The following FREM1 variants were observed in gnomAD, a reference collection of about 807,000 sequenced individuals.
FREM1 encodes FRAS1 related extracellular matrix 1, also known as FRAS1-related extracellular matrix protein 1.
A neutral mutation model predicts 210.1 loss-of-function variants in FREM1; 220 were observed. The ratio of observed to expected loss-of-function variants is 1.05; its 90% CI spans 0.94 to 1.17. The LOEUF is 1.17. Ranked by LOEUF, FREM1 falls within the 50% of genes most tolerant of loss-of-function variation. The pLI, the probability that FREM1 is intolerant of heterozygous loss-of-function variation, is 0.00. For missense variants in FREM1, 3,454 were observed against 2,675.5 expected (o/e 1.29, Z -6.42); for synonymous variants, 1,189 against 980.2 (o/e 1.21, Z -3.98).
intron 27 of FREM1, among the ~76,000 whole-genome samples, chr9:14,766,357 C>G (rs1393529947): frequency 6.6e-6 from 1 of 152,066 alleles, no homozygotes; most frequent in Admixed American, 6.6e-5. Context: ...GTTCCCTGAG[C>G]TATTCTGCCT....
chr9:14,910,038 C>T lies in FREM1; in HGVS notation c.-392G>A, dbSNP rs1297612472. 1 of 152,184 alleles carries T rather than the reference C, an allele frequency of 6.6e-6. No homozygotes were observed. Among genetic ancestry groups the T allele is most frequent in the Non-Finnish European group, 1.5e-5 (1 of 68,052 alleles). The allele number at this position is 152,184 out of a possible 1,614,324, so 9.4% of individuals were successfully genotyped here. On this transcript the variant is annotated 5_prime_UTR_variant, in exon 1 of 37. Coordinates refer to ENST00000380880, the MANE Select transcript of FREM1 (RefSeq NM_001379081.2). ...GAGAGGAAGGGGGAGGAAAAAGAAC[C>T]CCGGGAAGGAAGAGAGCTGAAATTC...
In FREM1 at chr9:14,812,635, A is replaced by G. The variant is rs568805480; in HGVS notation, c.2893+177T>C. On this transcript the variant is annotated intron_variant, in intron 16 of 36. Transcript: ENST00000380880. Reference sequence around the variant, plus strand: ...GTTTGAAATTCGTTATAATAACACAATCAGAAATACTTCCATATATGGTGA... The same window carrying G: ...GTTTGAAATTCGTTATAATAACACAGTCAGAAATACTTCCATATATGGTGA... Among the ~76,000 whole-genome samples, 6 of 152,250 alleles carry G rather than the reference A, an allele frequency of 3.9e-5. No individual in the cohort carries two copies. The South Asian group carries it at 6.2e-4, about 16-fold the overall frequency.
intron 20 of FREM1, among the ~76,000 whole-genome samples, chr9:14,800,977 T>C (rs1588064781): frequency 6.6e-6 from 1 of 152,126 alleles, no homozygotes; most frequent in Admixed American, 6.6e-5. Context: ...CATTGTGAAA[T>C]GGGTTTATTT....
At chr9:14,784,741 A>G in intron 23 of FREM1, 107 bp from the exon 24 acceptor site, 2 of 709,340 alleles carry the variant, frequency 2.8e-6, no homozygotes, top group Non-Finnish European at 4.2e-6. Context: ...CAAAATTAAT[A>G]CGACATAGAA....
intron 13 of FREM1, 28 bp from the exon 14 acceptor site, chr9:14,819,470 C>A: frequency 6.7e-7 from 1 of 1,482,958 alleles, no homozygotes; most frequent in South Asian, 1.2e-5. Flanking sequence ...AGGAAACATT[C>A]AAAGCCTTTT....
intron 1 of FREM1, among the ~76,000 whole-genome samples, chr9:14,890,902 C>T (rs546423271): frequency 1.4e-4 from 22 of 152,326 alleles, no homozygotes; most frequent in African/African-American, 5.1e-4. Flanking sequence ...ATGGCCATAA[C>T]TTAAAATCAT....
At chr9:14,905,182 C>T (rs1021726589) in intron 1 of FREM1, among the ~76,000 whole-genome samples, 1 of 152,074 alleles carries the variant, frequency 6.6e-6, no homozygotes, top group African/African-American at 2.4e-5. Context: ...TCTTTTAGTG[C>T]TGATCATTGA....
rs1482447602 is a variant in FREM1, at chr9:14,806,808, G to A, written c.3127C>T (p.Leu1043Phe). The change falls in exon 18 of 37, where the codon CTT (leucine) becomes TTT (phenylalanine). Residue 1043 changes from leucine (L) to phenylalanine (F), a missense_variant. Transcript: ENST00000380880. The stretch of plus-strand genomic sequence containing the variant: ...GTGGCGGACAAATGGTTAACAGTAA[G>A]GGCTGTTGAGCAGCCCTCATCTACA... ...FVVDEGCSTA[L>F]TVNHLSATDP... 2 of 1,607,466 alleles carry A rather than the reference G, an allele frequency of 1.2e-6. No individual in the cohort carries two copies. Among genetic ancestry groups the A allele is most frequent in the East Asian group, 2.2e-5 (1 of 44,836 alleles).
chr9:14,817,677 A>G (rs1820546830), intron 14 of FREM1, among the ~76,000 whole-genome samples: 1 of 152,208 alleles, frequency 6.6e-6, no homozygotes. Flanking sequence ...AATATATTGA[A>G]CATGTATAAT....
intron 1 of FREM1, among the ~76,000 whole-genome samples, chr9:14,901,549 G>A (rs1838781456): frequency 6.6e-6 from 1 of 151,486 alleles, no homozygotes; most frequent in Non-Finnish European, 1.5e-5. Flanking sequence ...AATTTTTTGA[G>A]GGGAAAAAGG....
intron 34 of FREM1, 59 bp downstream of exon 34, chr9:14,746,864 T>C: frequency 1.3e-6 from 2 of 1,562,478 alleles, no homozygotes; most frequent in Non-Finnish European, 1.7e-6. Context: ...TCCCCTCTAT[T>C]AGCTTATCAT....
chr9:14,851,624 A>C lies in FREM1; in HGVS notation c.829-17T>G, dbSNP rs778626662. On this transcript the variant is annotated splice_polypyrimidine_tract_variant and intron_variant, in intron 5 of 36. Transcript: ENST00000380880. ...ACTCTCTGACTTTTGAAGGATAGAG[A>C]AAATATAAAGGAGGAAATAATATGA... The C allele has an allele frequency of 3.2e-6, 5 of 1,563,084 alleles. No homozygotes were observed. Among genetic ancestry groups the C allele is most frequent in the Non-Finnish European group, 4.4e-6 (5 of 1,133,754 alleles).
In FREM1 at chr9:14,746,967, G is replaced by A. The variant is rs1245100891; in HGVS notation, c.6094C>T (p.Gln2032Ter). 1.2e-6 allele frequency: 2 copies of A among 1,613,396 alleles called. No individual in the cohort carries two copies. Among genetic ancestry groups the A allele is most frequent in the South Asian group, 1.1e-5 (1 of 90,948 alleles). ...GCTTTCCAGGCGATCCCATTGCACT[G>A]ATACAGCTTCTGGATGCCTTCTTCA... ...HFEEGIQKLY[Q>*]CNGIAWKAWS... Residue 2032 changes from glutamine to a stop codon, truncating the protein, a stop_gained, in exon 34 of 37, where the codon CAG becomes TAG. Coordinates refer to ENST00000380880, the MANE Select transcript of FREM1 (RefSeq NM_001379081.2). LOFTEE classifies it high-confidence loss of function.
At chr9:14,805,186 A>T in intron 18 of FREM1, 34 bp from the exon 19 acceptor site, 5 of 1,382,924 alleles carry the variant, frequency 3.6e-6, no homozygotes, top group South Asian at 3.9e-5. Context: ...GATAAATAAA[A>T]AAAAAATTTT....
At position 14,770,789 on chromosome 9, in the gene FREM1, T is replaced by G. The variant is rs117881664; in HGVS notation, c.4875A>C (p.Lys1625Asn). 457 of 1,612,236 alleles carry G rather than the reference T, an allele frequency of 2.8e-4. 3 individuals carry two copies. In the East Asian group the frequency reaches 9.0e-3, roughly 32 times the overall value. Residue 1625 changes from lysine (K) to asparagine (N), a missense_variant, in exon 26 of 37, where the codon AAA becomes AAC. Lys to Asn is a moderately conservative substitution (Grantham distance 94). Transcript: ENST00000380880. ...LFTIQVDQLD[K>N]TAPRITLLHS... Reference sequence around the variant, plus strand: ...GCAAGAGTGTGATACGAGGAGCTGTTTTGTCCAATTGGTCTACCTGGATCA... The same window carrying G: ...GCAAGAGTGTGATACGAGGAGCTGTGTTGTCCAATTGGTCTACCTGGATCA...
At chr9:14,748,026 T>C (rs1258357041) in intron 31 of FREM1, among the ~76,000 whole-genome samples, 1 of 152,122 alleles carries the variant, frequency 6.6e-6, no homozygotes, top group Non-Finnish European at 1.5e-5. Context: ...CGTGTGCACA[T>C]ATGAGAGTAT....
rs281875281 is a variant in FREM1, at chr9:14,792,753, A to G, written c.3971T>C (p.Leu1324Pro). The stretch of plus-strand genomic sequence containing the variant: ...TAAGAAGTCACTAACCTTAAGCTGA[A>G]GTTGCCCATTTTGGGGAAGCCTTTC... The part of the protein sequence containing the change: ...VFERLPQNGQ[L>P]QLKIGRDWVP... Residue 1324 changes from leucine to proline, a missense_variant, in exon 22 of 37, where the codon CTT becomes CCT. Physicochemically the swap from Leu to Pro is moderately conservative, Grantham distance 98. Transcript: ENST00000380880. 2 of 1,596,348 alleles carry G rather than the reference A, an allele frequency of 1.3e-6. No individual in the cohort carries two copies. The highest frequency in any genetic ancestry group is 1.3e-5 in the African/African-American group (1 of 74,210).
At chr9:14,864,563 T>C (rs562645054) in intron 2 of FREM1, among the ~76,000 whole-genome samples, 1 of 152,198 alleles carries the variant, frequency 6.6e-6, no homozygotes, top group Non-Finnish European at 1.5e-5. Context: ...TCTATTCAAA[T>C]AAAATTATAA....
chr9:14,852,835 A>C (rs1189251680), intron 5 of FREM1, among the ~76,000 whole-genome samples: 1 of 152,226 alleles, frequency 6.6e-6, no homozygotes, highest in Admixed American at 6.5e-5. Context: ...AGGAGTTGTA[A>C]TCTGTGTATA....
Sources: allele counts gnomAD v4.1 joint callset (sites outside exome capture counted in the v4.1 genomes callset), GRCh38; gene constraint gnomAD v4.1.1; transcripts MANE v1.5; gene names NCBI Gene and HGNC (gene_info 2026-07-23, HGNC 2026-07-21).